Variants in GAN observed in about 807,000 individuals in gnomAD.
The protein encoded by GAN is gigaxonin, also known as epididymis secretory sperm binding protein.
Under a neutral mutation model 71.3 loss-of-function variants are expected in GAN, and 48 were observed. The ratio of observed to expected loss-of-function variants is 0.67; its 90% CI spans 0.53 to 0.86. The LOEUF is 0.86. Among genes scored for constraint, GAN ranks in the 40% least tolerant of loss-of-function variants. The probability of loss-of-function intolerance (pLI) is 0.00; values close to 1 mark genes in which losing one functional copy is unlikely to be tolerated. For synonymous variants in GAN, 386 were observed against 276.8 expected, an observed-to-expected ratio of 1.39 and a Z score of -3.92; for missense variants, 928 against 770.1, an observed-to-expected ratio of 1.21 and a Z score of -2.43.
Position 81,354,457 on chromosome 16 carries a change from T to G in GAN, c.335T>G (p.Leu112Arg). 1 of 1,614,096 alleles carries G rather than the reference T, an allele frequency of 6.2e-7. No homozygotes were observed. Among genetic ancestry groups the G allele is most frequent in the Non-Finnish European group, 8.5e-7 (1 of 1,179,904 alleles). The stretch of plus-strand genomic sequence containing the variant: ...GATGTTGTTCAGGCAGCTGACCTGC[T>G]GCTACTGACGGACCTTAAAACCCTG... ...IQDVVQAADL[L>R]LLTDLKTLCC... is the part of the protein sequence containing the mutation. The change falls in exon 3 of 11, where the codon CTG (leucine) becomes CGG (arginine). Residue 112 changes from leucine to arginine, a missense_variant. Coordinates refer to ENST00000648994, the MANE Select transcript of GAN (RefSeq NM_022041.4).
At chr16:81,325,068 A>T in intron 1 of GAN, among the ~76,000 whole-genome samples, 1 of 151,576 alleles carries the variant, frequency 6.6e-6, no homozygotes, top group South Asian at 2.1e-4. Flanking sequence ...CCAGGCACGG[A>T]TGCTCCCAGG....
intron 5 of GAN, among the ~76,000 whole-genome samples, chr16:81,361,400 G>A (rs1255429168): frequency 6.6e-6 from 1 of 152,074 alleles, no homozygotes; most frequent in East Asian, 1.9e-4. Context: ...TTAAGTTCAA[G>A]GCTCATGATT....
In GAN at chr16:81,390,703, G is replaced by A. The variant is rs1904535632; in HGVS notation, c.*13107G>A. ...CTAAAGTAATTTTGTTTTATGTATT[G>A]GAAGTTCACTTAAAAACTTGAAATA... On this transcript the variant is annotated 3_prime_UTR_variant, in exon 11 of 11. Coordinates refer to ENST00000648994, the MANE Select transcript of GAN (RefSeq NM_022041.4). 6.6e-6 allele frequency: 1 copy of A among 152,084 alleles called. No individual in the cohort carries two copies. The allele number at this position is 152,084 out of a possible 1,614,324, so 9.4% of individuals were successfully genotyped here.
At chr16:81,353,741 A>G (rs772476886) in intron 2 of GAN, among the ~76,000 whole-genome samples, 3 of 152,178 alleles carry the variant, frequency 2.0e-5, no homozygotes, top group Non-Finnish European at 4.4e-5. Flanking sequence ...AGGAAGAAGC[A>G]TTAGTCAGAA....
At chr16:81,333,690 C>G (rs528894511) in intron 1 of GAN, among the ~76,000 whole-genome samples, 4 of 152,312 alleles carry the variant, frequency 2.6e-5, no homozygotes, top group Non-Finnish European at 4.4e-5. Context: ...AGGATGGAGA[C>G]TACCAACTAG....
At chr16:81,346,662 C>T (rs533327327) in intron 1 of GAN, among the ~76,000 whole-genome samples, 19 of 152,324 alleles carry the variant, frequency 1.2e-4, no homozygotes, top group African/African-American at 4.3e-4. Flanking sequence ...CGAAACCAGT[C>T]CCTGGTGCCA....
intron 7 of GAN, among the ~76,000 whole-genome samples, chr16:81,364,182 A>G (rs1910771279): frequency 6.6e-6 from 1 of 152,174 alleles, no homozygotes; most frequent in Non-Finnish European, 1.5e-5. Context: ...CTGTGTGTCA[A>G]GCTCCACATT....
At chr16:81,358,404 C>G (rs1157784267) in intron 5 of GAN, among the ~76,000 whole-genome samples, 3 of 152,090 alleles carry the variant, frequency 2.0e-5, no homozygotes, top group South Asian at 2.1e-4. Flanking sequence ...CCTAGGAGTT[C>G]AAGACCAGCC....
At chr16:81,354,256 A>G in intron 2 of GAN, 149 bp from the exon 3 acceptor site, 1 of 602,590 alleles carries the variant, frequency 1.7e-6, no homozygotes, top group Non-Finnish European at 2.9e-6. Flanking sequence ...AAAAAAAAAA[A>G]TGCTGGGTTA....
intron 1 of GAN, among the ~76,000 whole-genome samples, chr16:81,328,655 T>TTG (rs955847232): frequency 5.3e-5 from 8 of 151,910 alleles, no homozygotes; most frequent in African/African-American, 1.9e-4. Context: ...TCTTATTTTT[T>TTG]TTTTTTTAGA....
intron 1 of GAN, among the ~76,000 whole-genome samples, chr16:81,344,676 A>G (rs1449273783): frequency 6.6e-6 from 1 of 152,218 alleles, no homozygotes; most frequent in Non-Finnish European, 1.5e-5. Context: ...AACCTGGGCA[A>G]TACCATTCAA....
At chr16:81,321,936 G>A (rs1245055935) in intron 1 of GAN, among the ~76,000 whole-genome samples, 1 of 152,168 alleles carries the variant, frequency 6.6e-6, no homozygotes, top group African/African-American at 2.4e-5. Context: ...AAAGGCTCAG[G>A]TAAAGGTGGC....
At chr16:81,364,393 A>G (rs1477157694) in intron 7 of GAN, among the ~76,000 whole-genome samples, 1 of 152,164 alleles carries the variant, frequency 6.6e-6, no homozygotes, top group Non-Finnish European at 1.5e-5. Flanking sequence ...AGCCTACTGA[A>G]TAGCTGGGAC....
At chr16:81,353,143 T>C (rs552739667) in intron 2 of GAN, among the ~76,000 whole-genome samples, 1 of 151,830 alleles carries the variant, frequency 6.6e-6, no homozygotes, top group Admixed American at 6.5e-5. Context: ...TACAAAAAAT[T>C]AGCCGGGCGA....
chr16:81,388,220 G>GTTTTT lies in GAN; in HGVS notation c.*10627_*10631dup, dbSNP rs147972429. The GTTTTT allele has an allele frequency of 6.6e-6, 1 of 152,176 alleles. No individual in the cohort carries two copies. Among genetic ancestry groups the GTTTTT allele is most frequent in the Non-Finnish European group, 1.5e-5 (1 of 68,080 alleles). The allele number at this position is 152,176 out of a possible 1,614,324, so 9.4% of individuals were successfully genotyped here. A position where few individuals can be genotyped will look rare whatever the true frequency, so the allele number is the denominator to read the frequency against. ...TCTGTCCCAACCCTCTTCCAGCCTG[G>GTTTTT]TTTTTTTACTGCTTGAATTATGTAT... On this transcript the variant is annotated 3_prime_UTR_variant, in exon 11 of 11. Transcript: ENST00000648994.
chr16:81,335,606 G>A lies in GAN; in HGVS notation c.168-15977G>A, dbSNP rs549230413. On this transcript the variant is annotated intron_variant, in intron 1 of 10. Transcript: ENST00000648994. ...TACTAAAAATACAAAAATTAGCTGG[G>A]TGTGGTGGCGCACACTTGCAATCCC... Among the ~76,000 whole-genome samples the A allele has an allele frequency of 2.6e-5, 4 of 152,154 alleles. No homozygotes were observed. In the South Asian group the frequency reaches 6.2e-4, roughly 24 times the overall value.
Position 81,318,929 on chromosome 16 carries a change from CCCTTTCCCAGCATGCT to C in GAN, c.167+3659_167+3674del, listed in dbSNP as rs753617793. 1.7e-3 allele frequency among the ~76,000 whole-genome samples: 261 copies of C among 152,248 alleles called. 2 individuals carry two copies. Among genetic ancestry groups the C allele is most frequent in the Non-Finnish European group, 3.1e-3 (210 of 68,008 alleles). ...TCAGCTCAGTAAATGGCATGCATGC[CCCTTTCCCAGCATGCT>C]CCTTTCCCAAAGCTTTTCCTCCTTT... On this transcript the variant is annotated intron_variant, in intron 1 of 10. Coordinates refer to ENST00000648994, the MANE Select transcript of GAN (RefSeq NM_022041.4).
At chr16:81,328,720 A>G (rs1909473088) in intron 1 of GAN, among the ~76,000 whole-genome samples, 1 of 149,646 alleles carries the variant, frequency 6.7e-6, no homozygotes, top group Non-Finnish European at 1.5e-5. Context: ...TTTGGAAATC[A>G]TTTCTCAAAA....
chr16:81,331,952 C>T (rs577075328), intron 1 of GAN, among the ~76,000 whole-genome samples: 3 of 151,954 alleles, frequency 2.0e-5, no homozygotes, highest in South Asian at 2.1e-4. Context: ...CACCTGAGGT[C>T]GGGAGTTTGA....
Sources: allele counts gnomAD v4.1 joint callset (sites outside exome capture counted in the v4.1 genomes callset), GRCh38; gene constraint gnomAD v4.1.1; transcripts MANE v1.5; gene names NCBI Gene and HGNC (gene_info 2026-07-23, HGNC 2026-07-21).